The following EPHA5 variants were observed in gnomAD, a reference collection of about 807,000 sequenced individuals.
EPHA5 encodes ephrin type-A receptor 5.
EPHA5 carries 60 observed loss-of-function variants against 105.0 expected under a neutral mutation model. That is an observed-to-expected ratio of 0.57 (90% CI 0.46 to 0.71). The LOEUF (loss-of-function observed/expected upper bound fraction) is 0.71, where lower values mean the gene tolerates loss of function less well. EPHA5 is among the 30% of genes least tolerant of loss of function. The pLI is 0.00. For synonymous variants in EPHA5, 513 were observed against 449.1 expected (o/e 1.14, Z -1.80); for missense variants, 1,218 against 1,274.7 (o/e 0.96, Z 0.68).
intron 15 of EPHA5, among the ~76,000 whole-genome samples, chr4:65,335,710 A>T (rs912882696): frequency 6.6e-6 from 1 of 151,974 alleles, no homozygotes; most frequent in Admixed American, 6.6e-5. Context: ...GAAACCTGGC[A>T]TGTCACACTA....
intron 8 of EPHA5, among the ~76,000 whole-genome samples, chr4:65,369,692 G>T (rs997529990): frequency 3.9e-5 from 6 of 152,086 alleles, no homozygotes; most frequent in African/African-American, 1.4e-4. Flanking sequence ...ATCTGGCTGG[G>T]CGTGGTGGCT....
intron 3 of EPHA5, among the ~76,000 whole-genome samples, chr4:65,543,120 G>A (rs1299467003): frequency 6.6e-6 from 1 of 151,986 alleles, no homozygotes; most frequent in African/African-American, 2.4e-5. Context: ...ATATCATACT[G>A]AATAGGCAAA....
rs190107321 is a variant in EPHA5 at position 65,613,116 on chromosome 4, A to G, written c.247-10812T>C. Among the ~76,000 whole-genome samples, 7 of 152,162 alleles carry G rather than the reference A, an allele frequency of 4.6e-5. No individual in the cohort carries two copies. In the East Asian group the frequency reaches 1.4e-3, roughly 29 times the overall value. ...ATAGCAATCCAATTTTCCCAGTACC[A>G]TTTATTGAATAGGGTGTCCTAATCT... On this transcript the variant is annotated intron_variant, in intron 2 of 16. Transcript: ENST00000613740.
intron 5 of EPHA5, among the ~76,000 whole-genome samples, chr4:65,484,803 A>G (rs1730718029): frequency 6.6e-6 from 1 of 152,010 alleles, no homozygotes; most frequent in Admixed American, 6.6e-5. Context: ...GAAAAACATA[A>G]ATACACACTA....
chr4:65,663,549 A>G (rs1749719456), intron 1 of EPHA5, among the ~76,000 whole-genome samples: 1 of 152,032 alleles, frequency 6.6e-6, no homozygotes, highest in Non-Finnish European at 1.5e-5. Flanking sequence ...ATCTTATAGC[A>G]CTTTTTCCTT....
intron 5 of EPHA5, among the ~76,000 whole-genome samples, chr4:65,477,435 CAG>C (rs1441322210): frequency 5.9e-5 from 9 of 151,878 alleles, no homozygotes; most frequent in African/African-American, 2.2e-4. Context: ...TTTTTTGAGA[CAG>C]AGTCTCACTC....
chr4:65,472,630 C>A (rs2149165212), intron 5 of EPHA5, among the ~76,000 whole-genome samples: 1 of 152,314 alleles, frequency 6.6e-6, no homozygotes, highest in Non-Finnish European at 1.5e-5. Context: ...AGCAATGGTG[C>A]AAGCTGTACC....
rs142880919 is a variant in EPHA5 at position 65,365,298 on chromosome 4, AAAACAAACAAACAAAC to A, written c.1988-112_1988-97del. 7 of 960,238 alleles carry A rather than the reference AAAACAAACAAACAAAC, an allele frequency of 7.3e-6. No homozygotes were observed. The East Asian group carries it at 1.3e-4, about 17-fold the overall frequency. The allele number at this position is 960,238 out of a possible 1,614,324, so 59.5% of individuals were successfully genotyped here. On this transcript the variant is annotated intron_variant, in intron 10 of 16. Coordinates refer to ENST00000613740, the MANE Select transcript of EPHA5 (RefSeq NM_001281766.3). Reference sequence around the variant, plus strand: ...CTTAGACTACTAAGGCTTAGATGAAAAAACAAACAAACAAACAAACAAACAAACAAACAAAAAGCAG... The same window carrying A: ...CTTAGACTACTAAGGCTTAGATGAAAAAACAAACAAACAAACAAAAAGCAG...
intron 5 of EPHA5, among the ~76,000 whole-genome samples, chr4:65,430,210 G>C (rs1724844221): frequency 6.6e-6 from 1 of 151,914 alleles, no homozygotes; most frequent in African/African-American, 2.4e-5. Flanking sequence ...TTCTAATGCT[G>C]ATAAAATATA....
intron 16 of EPHA5, chr4:65,330,553 CAT>C (rs1491217996): frequency 2.3e-6 from 1 of 435,912 alleles, no homozygotes; most frequent in East Asian, 1.3e-4. Context: ...ACAAAAGAGA[CAT>C]TGTTTAATGC....
chr4:65,322,788 T>C lies in EPHA5; in HGVS notation c.*1326A>G. ...ATTAAAAATAAAACTTATCAATTAT[T>C]GAAATAAAATTCTGAAGGGAAATAA... On this transcript the variant is annotated 3_prime_UTR_variant, in exon 17 of 17. Transcript: ENST00000613740. 1 of 227,928 alleles carries C rather than the reference T, an allele frequency of 4.4e-6. No homozygotes were observed. Among genetic ancestry groups the C allele is most frequent in the East Asian group, 6.2e-5 (1 of 16,086 alleles). 14.1% of individuals were successfully genotyped at this position (227,928 alleles called of 1,614,324 possible). A position where few individuals can be genotyped will look rare whatever the true frequency, so the allele number is the denominator to read the frequency against.
chr4:65,637,569 CATATATATATATATAT>C (rs34456844), intron 2 of EPHA5, among the ~76,000 whole-genome samples: 7 of 112,440 alleles, frequency 6.2e-5, no homozygotes, highest in East Asian at 4.7e-4. Flanking sequence ...ATGAGTTTTG[CATATATATATATATAT>C]ATATATATAT....
intron 14 of EPHA5, among the ~76,000 whole-genome samples, chr4:65,343,530 T>C (rs1031709087): frequency 1.4e-4 from 22 of 152,208 alleles, no homozygotes; most frequent in African/African-American, 5.1e-4. Flanking sequence ...TTATGGAATA[T>C]ATCATTTGAA....
At chr4:65,496,082 G>T (rs572265172) in intron 3 of EPHA5, among the ~76,000 whole-genome samples, 2 of 152,004 alleles carry the variant, frequency 1.3e-5, no homozygotes, top group African/African-American at 4.8e-5. Flanking sequence ...TTATTTTAAG[G>T]GAGTCACATT....
At chr4:65,621,416 C>G (rs919034209) in intron 2 of EPHA5, among the ~76,000 whole-genome samples, 1 of 152,082 alleles carries the variant, frequency 6.6e-6, no homozygotes, top group Non-Finnish European at 1.5e-5. Flanking sequence ...ATTTGATTCT[C>G]TAATGGTAAA....
intron 16 of EPHA5, among the ~76,000 whole-genome samples, chr4:65,327,613 C>T (rs924063963): frequency 8.6e-5 from 13 of 151,238 alleles, no homozygotes; most frequent in South Asian, 2.1e-4. Flanking sequence ...ATGCATGCAA[C>T]GTACATGTAC....
intron 5 of EPHA5, among the ~76,000 whole-genome samples, chr4:65,451,143 A>C (rs1215847925): frequency 1.3e-5 from 2 of 152,138 alleles, no homozygotes; most frequent in African/African-American, 4.8e-5. Flanking sequence ...GGCTTCAATC[A>C]CTTTTGGATA....
chr4:65,354,944 T>A (rs2148865283), intron 11 of EPHA5, among the ~76,000 whole-genome samples: 1 of 151,944 alleles, frequency 6.6e-6, no homozygotes, highest in South Asian at 2.1e-4. Flanking sequence ...CAGCCACATT[T>A]CCTCGTCCTC....
At chr4:65,649,768 T>A (rs1408009230) in intron 1 of EPHA5, among the ~76,000 whole-genome samples, 4 of 152,168 alleles carry the variant, frequency 2.6e-5, no homozygotes, top group Admixed American at 2.6e-4. Flanking sequence ...AGCTCTGAGC[T>A]CCTAATTTGC....
Sources: allele counts gnomAD v4.1 joint callset (sites outside exome capture counted in the v4.1 genomes callset), GRCh38; gene constraint gnomAD v4.1.1; transcripts MANE v1.5; gene names NCBI Gene and HGNC (gene_info 2026-07-23, HGNC 2026-07-21).